STRBP: variants seen among roughly 807,000 people sequenced by gnomAD.
STRBP encodes spermatid perinuclear RNA-binding protein.
In STRBP, 13 loss-of-function variants were observed where a neutral mutation model predicts 80.1. The ratio of observed to expected loss-of-function variants is 0.16; its 90% CI spans 0.11 to 0.26. The LOEUF is 0.26. STRBP is among the 10% of genes least tolerant of loss of function. The pLI, the probability that STRBP is intolerant of heterozygous loss-of-function variation, is 1.00. For missense variants in STRBP, 485 were observed against 815.2 expected (o/e 0.59, Z 4.93); for synonymous variants, 284 against 291.2 (o/e 0.98, Z 0.25).
At position 123,124,599 on chromosome 9, in the gene STRBP, G is replaced by T; in HGVS notation, c.*998C>A. The T allele has an allele frequency of 1.0e-6, 1 of 985,432 alleles. No individual in the cohort carries two copies. The highest frequency in any genetic ancestry group is 1.2e-6 in the Non-Finnish European group (1 of 829,940). The allele number at this position is 985,432 out of a possible 1,614,324, so 61.0% of individuals were successfully genotyped here. A position where few individuals can be genotyped will look rare whatever the true frequency, so the allele number is the denominator to read the frequency against. On this transcript the variant is annotated 3_prime_UTR_variant, in exon 19 of 19. Coordinates refer to ENST00000348403, the MANE Select transcript of STRBP (RefSeq NM_018387.5). Reference sequence around the variant, plus strand: ...TCTGATGTAATTGAAGAGGAAAGGAGACCCTTCAATGAATCCCAGCAAAAT... The same window carrying T: ...TCTGATGTAATTGAAGAGGAAAGGATACCCTTCAATGAATCCCAGCAAAAT...
intron 1 of STRBP, among the ~76,000 whole-genome samples, chr9:123,237,560 T>C (rs999931818): frequency 6.6e-6 from 1 of 151,710 alleles, no homozygotes; most frequent in Non-Finnish European, 1.5e-5. Context: ...ACCCTGTGCT[T>C]CCAACAAGAA....
At chr9:123,237,061 G>C (rs2040583991) in intron 1 of STRBP, 95 bp from the exon 2 acceptor site, 1 of 152,308 alleles carries the variant, frequency 6.6e-6, no homozygotes, top group African/African-American at 2.4e-5. Context: ...TTGAACCCAG[G>C]AGGCAGAGGT....
chr9:123,257,423 CACACACACACACACAG>C (rs1257447873), intron 1 of STRBP, among the ~76,000 whole-genome samples: 1 of 151,998 alleles, frequency 6.6e-6, no homozygotes, highest in Non-Finnish European at 1.5e-5. Context: ...CACAAACACA[CACACACACACACACAG>C]ACACACACAC....
At chr9:123,219,827 G>GA (rs2040013794) in intron 2 of STRBP, among the ~76,000 whole-genome samples, 1 of 152,028 alleles carries the variant, frequency 6.6e-6, no homozygotes, top group Non-Finnish European at 1.5e-5. Flanking sequence ...TTAAATGAGA[G>GA]AAAAAAGACA....
rs112674775 is a variant in STRBP, at chr9:123,216,271, A to G, written c.-165+20559T>C. Among the ~76,000 whole-genome samples the G allele has an allele frequency of 2.7e-3, 416 of 152,346 alleles. 4 individuals are homozygous for G. The highest frequency in any genetic ancestry group is 1.6e-3 in the Admixed American group (24 of 15,304). ...TACCACTTACCAGCTCTGTAACTAC[A>G]TGTTCCTAGAAGGCAGATACTGTGT... On this transcript the variant is annotated intron_variant, in intron 2 of 18. Transcript: ENST00000348403.
intron 2 of STRBP, among the ~76,000 whole-genome samples, chr9:123,228,026 G>A (rs2040293833): frequency 6.6e-6 from 1 of 152,146 alleles, no homozygotes. Flanking sequence ...GAAGTGTTAC[G>A]ACACTGCAGA....
At chr9:123,177,653 T>C (rs1175770326) in intron 4 of STRBP, among the ~76,000 whole-genome samples, 1 of 152,156 alleles carries the variant, frequency 6.6e-6, no homozygotes, top group Non-Finnish European at 1.5e-5. Flanking sequence ...ACAGACCTCA[T>C]CCAGTTAAGC....
intron 1 of STRBP, among the ~76,000 whole-genome samples, chr9:123,247,806 G>A (rs891209228): frequency 6.6e-6 from 1 of 152,092 alleles, no homozygotes; most frequent in African/African-American, 2.4e-5. Context: ...ATCTCCACAC[G>A]GATGGAGAAT....
intron 2 of STRBP, among the ~76,000 whole-genome samples, chr9:123,199,453 C>A (rs949966975): frequency 8.5e-5 from 13 of 152,176 alleles, no homozygotes. Flanking sequence ...TGCATTGAAT[C>A]TGTAGATTGC....
At chr9:123,259,082 G>GGT (rs2041105006) in intron 1 of STRBP, among the ~76,000 whole-genome samples, 2 of 149,750 alleles carry the variant, frequency 1.3e-5, no homozygotes, top group East Asian at 4.4e-4. Context: ...AAAAGGGGGG[G>GGT]GGATTACTGC....
chr9:123,218,388 A>C (rs1027889852), intron 2 of STRBP, among the ~76,000 whole-genome samples: 15 of 111,132 alleles, frequency 1.3e-4, no homozygotes, highest in Non-Finnish European at 2.2e-4. Flanking sequence ...TTTGAGACGG[A>C]GTCTCGCTCT....
Position 123,126,383 on chromosome 9 carries a change from C to A in STRBP, c.1943-710G>T, listed in dbSNP as rs560970184. Among the ~76,000 whole-genome samples, 4 of 152,256 alleles carry A rather than the reference C, an allele frequency of 2.6e-5. No homozygotes were observed. In the South Asian group the frequency reaches 8.3e-4, roughly 32 times the overall value. On this transcript the variant is annotated intron_variant, in intron 18 of 18. Coordinates refer to ENST00000348403, the MANE Select transcript of STRBP (RefSeq NM_018387.5). This position sits in a 1 kb window ranked among gnomAD's most constrained non-coding sequence, Gnocchi z 4.4. ...GCCAAAAGACATATTTACCTTACAG[C>A]CAAAATAAAGCATCGTTTTAGTAGG...
At chr9:123,155,234 AG>A (rs2037232174) in intron 11 of STRBP, among the ~76,000 whole-genome samples, 1 of 152,258 alleles carries the variant, frequency 6.6e-6, no homozygotes, top group African/African-American at 2.4e-5. Flanking sequence ...CAGATGAATA[AG>A]GAGGTAGAGA....
At chr9:123,263,369 A>T (rs2041197891) in intron 1 of STRBP, among the ~76,000 whole-genome samples, 1 of 151,640 alleles carries the variant, frequency 6.6e-6, no homozygotes, top group African/African-American at 2.4e-5. Flanking sequence ...TACTAAAAGT[A>T]AAAAAAATAG....
intron 4 of STRBP, among the ~76,000 whole-genome samples, chr9:123,177,335 G>C (rs2038264631): frequency 6.6e-6 from 1 of 152,160 alleles, no homozygotes; most frequent in Non-Finnish European, 1.5e-5. Flanking sequence ...GGGAGGCCAA[G>C]GCAGGATAGC....
At chr9:123,146,413 T>G (rs537580733) in intron 13 of STRBP, among the ~76,000 whole-genome samples, 1 of 151,826 alleles carries the variant, frequency 6.6e-6, no homozygotes, top group East Asian at 1.9e-4. Flanking sequence ...TCCCGTAGCA[T>G]GTTAATCGTA....
rs80103031 is a variant in STRBP, at chr9:123,130,130, C to G, written c.1898-1872G>C. 7.6e-3 allele frequency among the ~76,000 whole-genome samples: 1,163 copies of G among 152,214 alleles called. 13 individuals are homozygous for G. Among genetic ancestry groups the G allele is most frequent in the African/African-American group, 0.026 (1,093 of 41,528 alleles). On this transcript the variant is annotated intron_variant, in intron 17 of 18. Coordinates refer to ENST00000348403, the MANE Select transcript of STRBP (RefSeq NM_018387.5). ...ACTGGAGTCCTGATTCTAACTTCACCTTTTCCTAGCAAGGTATCTGTGAAT... is the reference window on the plus strand; with the variant it reads ...ACTGGAGTCCTGATTCTAACTTCACGTTTTCCTAGCAAGGTATCTGTGAAT...
intron 6 of STRBP, among the ~76,000 whole-genome samples, chr9:123,161,409 C>T (rs1018191926): frequency 6.6e-6 from 1 of 152,066 alleles, no homozygotes; most frequent in African/African-American, 2.4e-5. Context: ...GCACTTTTTC[C>T]TTTGGCAGGA....
chr9:123,260,187 T>A (rs2041130190), intron 1 of STRBP, among the ~76,000 whole-genome samples: 1 of 152,154 alleles, frequency 6.6e-6, no homozygotes, highest in African/African-American at 2.4e-5. Context: ...GGAATAATGA[T>A]GTTGCAGGAG....
Sources: gnomAD v4.1 joint callset for allele counts (sites outside exome capture counted in the v4.1 genomes callset) on GRCh38, gnomAD v4.1.1 for gene constraint, Gnocchi (gnomAD v3.1) non-coding constraint, MANE v1.5 for transcripts, NCBI Gene and HGNC (gene_info 2026-07-23, HGNC 2026-07-21) for gene names.